RPGRIP1: variants seen among roughly 807,000 people sequenced by gnomAD.
RPGRIP1 encodes the protein X-linked retinitis pigmentosa GTPase regulator-interacting protein 1.
RPGRIP1 carries 128 observed loss-of-function variants against 157.9 expected under a neutral mutation model. The observed-to-expected ratio is 0.81, with a 90% CI of 0.70 to 0.94. The LOEUF is 0.94. Among genes scored for constraint, RPGRIP1 ranks in the 40% least tolerant of loss-of-function variants. The pLI is 0.00. For synonymous variants in RPGRIP1, 554 were observed against 571.6 expected (o/e 0.97, Z 0.44); for missense variants, 1,486 against 1,545.8 (o/e 0.96, Z 0.65).
At chr14:21,291,975 G>A (rs939109472) in intron 2 of RPGRIP1, among the ~76,000 whole-genome samples, 1 of 151,918 alleles carries the variant, frequency 6.6e-6, no homozygotes, top group African/African-American at 2.4e-5. Flanking sequence ...GGTCACGCTG[G>A]TCTCAAACTC....
intron 14 of RPGRIP1, among the ~76,000 whole-genome samples, chr14:21,323,580 T>C (rs917507736): frequency 1.3e-5 from 2 of 151,808 alleles, no homozygotes; most frequent in Non-Finnish European, 2.9e-5. Flanking sequence ...GACTAAAGAG[T>C]TTTTCTATGT....
Position 21,351,282 on chromosome 14 carries a change from T to C in RPGRIP1, c.*66T>C, listed in dbSNP as rs1052826627. On this transcript the variant is annotated 3_prime_UTR_variant, in exon 25 of 25. Transcript: ENST00000400017. The stretch of plus-strand genomic sequence containing the variant: ...CCATAGTAAAAAGTCTCTTATAAAG[T>C]TAGCTTGCTATAACATGAATTTGGT... 15 of 948,522 alleles carry C rather than the reference T, an allele frequency of 1.6e-5. No individual in the cohort carries two copies. The highest frequency in any genetic ancestry group is 2.3e-5 in the Non-Finnish European group (14 of 602,916). The allele number at this position is 948,522 out of a possible 1,614,324, so 58.8% of individuals were successfully genotyped here. A position where few individuals can be genotyped will look rare whatever the true frequency, so the allele number is the denominator to read the frequency against.
At chr14:21,286,175 G>A (rs1594368117) in intron 1 of RPGRIP1, among the ~76,000 whole-genome samples, 2 of 151,998 alleles carry the variant, frequency 1.3e-5, no homozygotes, top group Non-Finnish European at 2.9e-5. Flanking sequence ...ATTTTTAGTG[G>A]AGACAGGGTT....
chr14:21,323,628 C>T (rs537492966), intron 14 of RPGRIP1, among the ~76,000 whole-genome samples: 10 of 151,904 alleles, frequency 6.6e-5, no homozygotes, highest in Non-Finnish European at 1.2e-4. Flanking sequence ...GAGAATTGAC[C>T]GTTCCTATCC....
At chr14:21,320,378 C>T (rs758120063) in intron 12 of RPGRIP1, among the ~76,000 whole-genome samples, 2 of 151,918 alleles carry the variant, frequency 1.3e-5, no homozygotes, top group Non-Finnish European at 2.9e-5. Context: ...CAGGCTCCGC[C>T]CCCTGGGGTT....
At chr14:21,312,593 T>C in intron 10 of RPGRIP1, 87 bp downstream of exon 10, 1 of 732,682 alleles carries the variant, frequency 1.4e-6, no homozygotes, top group South Asian at 2.0e-5. Flanking sequence ...TTAATAAATA[T>C]ATGGGGAAAT....
chr14:21,348,427 A>G (rs752701941), intron 24 of RPGRIP1, 125 bp downstream of exon 24: 114 of 750,984 alleles, frequency 1.5e-4, no homozygotes, highest in Non-Finnish European at 2.2e-4. Flanking sequence ...TTGAAATCTT[A>G]TCCCTACAAC....
At chr14:21,351,083 T>C in intron 24 of RPGRIP1, 21 bp from the exon 25 acceptor site, 1 of 1,455,106 alleles carries the variant, frequency 6.9e-7, no homozygotes, top group Non-Finnish European at 9.6e-7. Flanking sequence ...AGTGATGCTG[T>C]TTTTTTCCCT....
chr14:21,316,777 A>G (rs1881833822), intron 10 of RPGRIP1, among the ~76,000 whole-genome samples: 1 of 152,222 alleles, frequency 6.6e-6, no homozygotes, highest in South Asian at 2.1e-4. Flanking sequence ...ACATAAAAAG[A>G]AATAATTGTT....
At chr14:21,346,114 A>G (rs1885544974) in intron 23 of RPGRIP1, among the ~76,000 whole-genome samples, 1 of 152,206 alleles carries the variant, frequency 6.6e-6, no homozygotes, top group Non-Finnish European at 1.5e-5. Context: ...CCTGGTCAAC[A>G]GGAATTTTTT....
Position 21,312,490 on chromosome 14 carries a change from G to A in RPGRIP1, c.1135G>A (p.Asp379Asn), listed in dbSNP as rs758038121. The A allele has an allele frequency of 1.9e-6, 3 of 1,610,640 alleles. No individual in the cohort carries two copies. Among genetic ancestry groups the A allele is most frequent in the East Asian group, 2.2e-5 (1 of 44,856 alleles). ...ACGAAAATTGCTGAATGACAATTAT[G>A]ACAAACTCTTAGAAAGGTGAGTACC... ...KERKLLNDNY[D>N]KLLESMLDSS... The change falls in exon 10 of 25, where the codon GAC becomes AAC. Residue 379 changes from aspartate to asparagine, a missense_variant. Physicochemically the swap from Asp to Asn is conservative, Grantham distance 23. Coordinates refer to ENST00000400017, the MANE Select transcript of RPGRIP1 (RefSeq NM_020366.4).
Position 21,350,531 on chromosome 14 carries a change from A to G in RPGRIP1, c.3749-573A>G, listed in dbSNP as rs768635844. On this transcript the variant is annotated intron_variant, in intron 24 of 24. Transcript: ENST00000400017. ...TTTTGAGGAATACTCCTCAGACCCT[A>G]AGGTTTACAAAGTTCAAATGTTAGA... Among the ~76,000 whole-genome samples the G allele has an allele frequency of 5.9e-5, 9 of 152,134 alleles. No individual in the cohort carries two copies. The South Asian group carries it at 1.0e-3, about 18-fold the overall frequency.
chr14:21,339,394 C>G (rs1276693929), intron 21 of RPGRIP1, among the ~76,000 whole-genome samples: 1 of 152,052 alleles, frequency 6.6e-6, no homozygotes, highest in South Asian at 2.1e-4. Context: ...TGCAGTGAGC[C>G]GAGATGGTTC....
chr14:21,312,110 A>G, intron 9 of RPGRIP1, 140 bp downstream of exon 9: 1 of 775,332 alleles, frequency 1.3e-6, no homozygotes, highest in Non-Finnish European at 2.1e-6. Context: ...TTTGCTTAAG[A>G]TTACACCATT....
At chr14:21,309,549 G>C (rs1881460442) in intron 7 of RPGRIP1, among the ~76,000 whole-genome samples, 1 of 152,078 alleles carries the variant, frequency 6.6e-6, no homozygotes, top group Non-Finnish European at 1.5e-5. Context: ...GAATAGATTT[G>C]TGAGTTAAAT....
chr14:21,334,599 T>C lies in RPGRIP1; in HGVS notation c.3239-6T>C. On this transcript the variant is annotated splice_region_variant and splice_polypyrimidine_tract_variant and intron_variant, in intron 20 of 24. Transcript: ENST00000400017. ...AGTTCTATAACTGCAACCTCTTCTCTAGCAGACAAAGAATCCTCTGAACAA... is the reference window on the plus strand; with the variant it reads ...AGTTCTATAACTGCAACCTCTTCTCCAGCAGACAAAGAATCCTCTGAACAA... 2 of 1,596,510 alleles carry C rather than the reference T, an allele frequency of 1.3e-6. No individual in the cohort carries two copies. The highest frequency in any genetic ancestry group is 1.7e-6 in the Non-Finnish European group (2 of 1,170,650).
rs575330839 is a variant in RPGRIP1, at chr14:21,295,198, C to T, written c.218+389C>T. Among the ~76,000 whole-genome samples the T allele has an allele frequency of 1.1e-4, 16 of 152,010 alleles. No homozygotes were observed. The East Asian group carries it at 2.9e-3, about 28-fold the overall frequency. ...TAGTCAATTTTTTTGCCAAACATGT[C>T]GATAGACTGTGACCACAGGACACAG... On this transcript the variant is annotated intron_variant, in intron 3 of 24. Coordinates refer to ENST00000400017, the MANE Select transcript of RPGRIP1 (RefSeq NM_020366.4).
Position 21,320,142 on chromosome 14 carries a change from C to G in RPGRIP1, c.1432C>G (p.His478Asp). ...PPDRQSEPAT[H>D]PAVLQENTQI... ...TGACAGGCAATCTGAACCAGCCACT[C>G]ACCCAGCTGTATTGCAAGAGAACAC... The change falls in exon 12 of 25, where the codon CAC becomes GAC. Residue 478 changes from histidine (H) to aspartate (D), a missense_variant. His to Asp is a moderately conservative substitution (Grantham distance 81, BLOSUM62 -1). Coordinates refer to ENST00000400017, the MANE Select transcript of RPGRIP1 (RefSeq NM_020366.4). 6.2e-7 allele frequency: 1 copy of G among 1,613,968 alleles called. No individual in the cohort carries two copies. Among genetic ancestry groups the G allele is most frequent in the Non-Finnish European group, 8.5e-7 (1 of 1,179,880 alleles).
intron 8 of RPGRIP1, among the ~76,000 whole-genome samples, chr14:21,311,493 A>C (rs556648439): frequency 6.6e-6 from 1 of 152,326 alleles, no homozygotes; most frequent in African/African-American, 2.4e-5. Flanking sequence ...CAGAGGTTGC[A>C]GTGAGCCAAG....
Sources: gnomAD v4.1 joint callset for allele counts (sites outside exome capture counted in the v4.1 genomes callset) on GRCh38, gnomAD v4.1.1 for gene constraint, MANE v1.5 for transcripts, NCBI Gene and HGNC (gene_info 2026-07-23, HGNC 2026-07-21) for gene names.